LINGO2: variants seen among roughly 807,000 people sequenced by gnomAD.
LINGO2 encodes the protein leucine rich repeat and Ig domain containing 2, also known as leucine-rich repeat and immunoglobulin-like domain-containing nogo receptor-interacting protein 2.
Under a neutral mutation model 30.6 loss-of-function variants are expected in LINGO2, and 14 were observed. The observed-to-expected ratio is 0.46, with a 90% CI of 0.30 to 0.72. LINGO2 has a LOEUF of 0.72. LINGO2 is among the 30% of genes least tolerant of loss of function. The pLI, the probability that LINGO2 is intolerant of heterozygous loss-of-function variation, is 0.07. For synonymous variants in LINGO2, 317 were observed against 288.5 expected (o/e 1.10, Z -1.00); for missense variants, 729 against 751.7 (o/e 0.97, Z 0.35).
the LINGO2 span, among the ~76,000 whole-genome samples, chr9:28,754,579 T>C: frequency 6.6e-6 from 1 of 151,958 alleles, no homozygotes; most frequent in South Asian, 2.1e-4. Context: ...GAAAACAACA[T>C]TGCAGAACAC....
chr9:28,144,749 A>G, intron 4 of LINGO2, among the ~76,000 whole-genome samples: 1 of 152,208 alleles, frequency 6.6e-6, no homozygotes, highest in East Asian at 1.9e-4. Context: ...GCCTACAAGG[A>G]GTTTACTGTC....
chr9:28,100,734 C>T (rs548916237), intron 4 of LINGO2, among the ~76,000 whole-genome samples: 2 of 151,944 alleles, frequency 1.3e-5, no homozygotes, highest in Non-Finnish European at 2.9e-5. Flanking sequence ...TGCTTCCCAT[C>T]CTCCACTTTG....
chr9:28,001,738 T>TA (rs942703900), intron 5 of LINGO2, among the ~76,000 whole-genome samples: 6 of 152,134 alleles, frequency 3.9e-5, no homozygotes, highest in Admixed American at 6.5e-5. Flanking sequence ...GAATTATTGT[T>TA]AGTTTCAAGT....
At chr9:28,323,680 C>T (rs1170590432) in intron 3 of LINGO2, among the ~76,000 whole-genome samples, 2 of 152,124 alleles carry the variant, frequency 1.3e-5, no homozygotes, top group African/African-American at 2.4e-5. Context: ...CAGAGCGTAG[C>T]ATCAAAGCAA....
At chr9:28,724,962 CA>C in the LINGO2 span, among the ~76,000 whole-genome samples, 1 of 151,356 alleles carries the variant, frequency 6.6e-6, no homozygotes. Flanking sequence ...GTATTTTGGT[CA>C]AAAAACAGCT....
At chr9:29,035,374 T>G in the LINGO2 span, among the ~76,000 whole-genome samples, 6,230 of 152,024 alleles carry the variant, frequency 0.041, 194 homozygotes, top group Admixed American at 0.082. Context: ...TTGACAATAT[T>G]CTTCCTGGCT....
chr9:28,791,317 T>C, the LINGO2 span, among the ~76,000 whole-genome samples: 1 of 152,104 alleles, frequency 6.6e-6, no homozygotes, highest in African/African-American at 2.4e-5. Flanking sequence ...TATCTGTATG[T>C]AATCTTGAAC....
At chr9:28,820,989 A>G in the LINGO2 span, among the ~76,000 whole-genome samples, 2 of 152,342 alleles carry the variant, frequency 1.3e-5, no homozygotes, top group East Asian at 3.9e-4. Flanking sequence ...CACAGGAAGG[A>G]TTAACAATGC....
intron 2 of LINGO2, among the ~76,000 whole-genome samples, chr9:28,470,716 T>G (rs1825485061): frequency 6.6e-6 from 1 of 152,028 alleles, no homozygotes; most frequent in Non-Finnish European, 1.5e-5. Context: ...TGGTACCCAA[T>G]GAAACAGGAC....
chr9:28,495,698 T>C (rs1819586680), intron 1 of LINGO2, among the ~76,000 whole-genome samples: 1 of 152,226 alleles, frequency 6.6e-6, no homozygotes, highest in Admixed American at 6.5e-5. Flanking sequence ...TGCCTTCTGA[T>C]AGCTTTTGAA....
chr9:28,646,273 A>G (rs986323811), intron 1 of LINGO2, among the ~76,000 whole-genome samples: 9 of 152,090 alleles, frequency 5.9e-5, no homozygotes, highest in African/African-American at 1.4e-4. Flanking sequence ...AGAACTCTAT[A>G]TCTCTGTTAT....
chr9:28,338,085 AG>A (rs1264529503), intron 3 of LINGO2, among the ~76,000 whole-genome samples: 2 of 152,182 alleles, frequency 1.3e-5, no homozygotes, highest in Non-Finnish European at 2.9e-5. Context: ...AGAACCGAGA[AG>A]GGGAGATGTA....
chr9:28,149,087 G>T (rs1376844963), intron 4 of LINGO2: 3 of 1,534,142 alleles, frequency 2.0e-6, no homozygotes, highest in Non-Finnish European at 2.6e-6. Context: ...GGTGGGTCAG[G>T]CTTCCCAAAG....
chr9:28,457,795 A>G (rs191978835), intron 2 of LINGO2, among the ~76,000 whole-genome samples: 239 of 152,264 alleles, frequency 1.6e-3, no homozygotes, highest in Non-Finnish European at 2.4e-3. Context: ...GAATGAGAGC[A>G]ACATTGTATA....
chr9:29,188,200 A>T, the LINGO2 span, among the ~76,000 whole-genome samples: 1 of 151,664 alleles, frequency 6.6e-6, no homozygotes, highest in South Asian at 2.1e-4. Context: ...GGTACTTAAG[A>T]GTAGGGAGTG....
intron 1 of LINGO2, among the ~76,000 whole-genome samples, chr9:28,494,551 C>T (rs1033924151): frequency 6.6e-6 from 1 of 151,542 alleles, no homozygotes; most frequent in Non-Finnish European, 1.5e-5. Flanking sequence ...ATGAACTCAT[C>T]CTTTTTTATG....
intron 3 of LINGO2, among the ~76,000 whole-genome samples, chr9:28,338,124 C>A (rs1300198203): frequency 6.6e-6 from 1 of 152,156 alleles, no homozygotes; most frequent in Non-Finnish European, 1.5e-5. Context: ...AACAGAGCTG[C>A]CCAAGGCCAT....
chr9:29,021,428 C>A, the LINGO2 span, among the ~76,000 whole-genome samples: 1 of 151,986 alleles, frequency 6.6e-6, no homozygotes, highest in African/African-American at 2.4e-5. Flanking sequence ...GGAGGCGATG[C>A]GGGCGGATCA....
chr9:28,935,702 T>TG, the LINGO2 span, among the ~76,000 whole-genome samples: 4 of 67,508 alleles, frequency 5.9e-5, no homozygotes, highest in African/African-American at 9.5e-5. Flanking sequence ...ATGTTCTTTT[T>TG]TTAAAAAAAC....
Sources: allele counts gnomAD v4.1 joint callset (sites outside exome capture counted in the v4.1 genomes callset), GRCh38; gene constraint gnomAD v4.1.1; transcripts MANE v1.5; gene names NCBI Gene and HGNC (gene_info 2026-07-23, HGNC 2026-07-21).